The following NELL1 variants were observed in gnomAD, a reference collection of about 807,000 sequenced individuals.
The protein encoded by NELL1 is protein kinase C-binding protein NELL1.
NELL1 carries 76 observed loss-of-function variants against 107.4 expected under a neutral mutation model. That is an observed-to-expected ratio of 0.71 (90% CI 0.59 to 0.86). NELL1 has a LOEUF of 0.86. Among genes scored for constraint, NELL1 ranks in the 40% least tolerant of loss-of-function variants. The pLI, the probability that NELL1 is intolerant of heterozygous loss-of-function variation, is 0.00. For missense variants in NELL1, 1,024 were observed against 1,005.5 expected, an observed-to-expected ratio of 1.02 and a Z score of -0.25; for synonymous variants, 353 against 341.2, an observed-to-expected ratio of 1.03 and a Z score of -0.38.
intron 3 of NELL1, among the ~76,000 whole-genome samples, chr11:20,803,903 C>T (rs970136649): frequency 1.3e-5 from 2 of 152,114 alleles, no homozygotes; most frequent in African/African-American, 4.8e-5. Context: ...CTGGCCTAGC[C>T]TCCCAGCCTA....
intron 14 of NELL1, among the ~76,000 whole-genome samples, chr11:21,306,708 T>C (rs552124781): frequency 6.6e-6 from 1 of 152,040 alleles, no homozygotes; most frequent in South Asian, 2.1e-4. Context: ...ACTCTGCAGT[T>C]GGATTCATGC....
Position 21,100,988 on chromosome 11 carries a change from A to G in NELL1, c.1301-12601A>G, listed in dbSNP as rs7129210. ...ATATCTCCAAATGCTATCCCTCCCC[A>G]CTCCCCCAACCCCACAGCAGGCCCC... is the stretch of plus-strand genomic sequence containing the variant. On this transcript the variant is annotated intron_variant, in intron 12 of 19. Coordinates refer to ENST00000357134, the MANE Select transcript of NELL1 (RefSeq NM_006157.5). Among the ~76,000 whole-genome samples the G allele has an allele frequency of 2.9e-3, 407 of 142,184 alleles. 2 individuals carry two copies. Among genetic ancestry groups the G allele is most frequent in the Non-Finnish European group, 4.9e-3 (325 of 66,222 alleles). The allele number at this position is 142,184 out of a possible 152,430, so 93.3% of individuals were successfully genotyped here. A position where few individuals can be genotyped will look rare whatever the true frequency, so the allele number is the denominator to read the frequency against.
rs1263088584 is a variant in NELL1, at chr11:21,229,541, TTGG to T, written c.1549+91_1549+93del. The T allele has an allele frequency of 6.4e-6, 10 of 1,555,550 alleles. No individual in the cohort carries two copies. The African/African-American group carries it at 1.4e-4, about 21-fold the overall frequency. ...GTGCGTCGGACCTTCTTGGTAACTC[TTGG>T]TGGAACACAGCCAGGGTTCCTGCTC... On this transcript the variant is annotated intron_variant, in intron 14 of 19. Coordinates refer to ENST00000357134, the MANE Select transcript of NELL1 (RefSeq NM_006157.5).
intron 14 of NELL1, chr11:21,260,700 G>T (rs1848510742): frequency 6.6e-6 from 1 of 151,844 alleles, no homozygotes; most frequent in Admixed American, 6.6e-5. Flanking sequence ...GAGAGAAAAT[G>T]ACATTATGTC....
At chr11:21,513,080 TG>T (rs1855479332) in intron 15 of NELL1, among the ~76,000 whole-genome samples, 1 of 152,196 alleles carries the variant, frequency 6.6e-6, no homozygotes, top group African/African-American at 2.4e-5. Context: ...CAGTCAGCTA[TG>T]GTTTGGGACC....
At chr11:21,372,303 A>T (rs1851374478) in intron 15 of NELL1, among the ~76,000 whole-genome samples, 1 of 151,970 alleles carries the variant, frequency 6.6e-6, no homozygotes, top group Non-Finnish European at 1.5e-5. Flanking sequence ...AAACTAAAAG[A>T]TTCTTACTGC....
At chr11:21,377,399 C>G (rs1314763481) in intron 15 of NELL1, among the ~76,000 whole-genome samples, 1 of 152,046 alleles carries the variant, frequency 6.6e-6, no homozygotes, top group Non-Finnish European at 1.5e-5. Context: ...TGAAGCTTAT[C>G]TCATCATGGT....
chr11:21,284,102 G>A (rs188446001), intron 14 of NELL1: 5 of 387,590 alleles, frequency 1.3e-5, no homozygotes, highest in Non-Finnish European at 1.5e-5. Context: ...TGCCATCATG[G>A]CAGTTCATTG....
chr11:21,313,519 G>A (rs72951492), intron 14 of NELL1, among the ~76,000 whole-genome samples: 4,083 of 152,198 alleles, frequency 0.027, 87 homozygotes, highest in African/African-American at 0.055. Flanking sequence ...AATCCCCACT[G>A]TCACCTACTG....
intron 9 of NELL1, among the ~76,000 whole-genome samples, chr11:20,929,793 G>A (rs966648210): frequency 1.3e-5 from 2 of 152,128 alleles, no homozygotes; most frequent in South Asian, 2.1e-4. Context: ...CCAACATGGC[G>A]AAATCCCGTC....
intron 17 of NELL1, among the ~76,000 whole-genome samples, chr11:21,569,584 C>T (rs879679693): frequency 4.6e-5 from 7 of 151,612 alleles, no homozygotes; most frequent in Non-Finnish European, 7.4e-5. Flanking sequence ...AGGTGTTTAC[C>T]CAGAGATGAA....
chr11:21,212,366 A>G (rs1420336575), intron 13 of NELL1, among the ~76,000 whole-genome samples: 2 of 152,182 alleles, frequency 1.3e-5, no homozygotes, highest in East Asian at 1.9e-4. Flanking sequence ...AAAGAAGCAA[A>G]GGAGAAAAGT....
intron 14 of NELL1, among the ~76,000 whole-genome samples, chr11:21,327,247 A>G (rs1850166962): frequency 6.6e-6 from 1 of 150,756 alleles, no homozygotes; most frequent in Non-Finnish European, 1.5e-5. Context: ...CTAATGTTAA[A>G]TGACGAGTTA....
chr11:21,322,588 C>T (rs903062889), intron 14 of NELL1, among the ~76,000 whole-genome samples: 1 of 152,090 alleles, frequency 6.6e-6, no homozygotes, highest in Non-Finnish European at 1.5e-5. Context: ...CTGAAATACT[C>T]TATGGTATTC....
chr11:21,402,807 T>G (rs1370921886), intron 15 of NELL1, among the ~76,000 whole-genome samples: 1 of 151,782 alleles, frequency 6.6e-6, no homozygotes, highest in Admixed American at 6.6e-5. Context: ...CTTAGTCTTC[T>G]ATTAGGAGCA....
intron 12 of NELL1, among the ~76,000 whole-genome samples, chr11:21,085,639 C>A (rs866877115): frequency 2.2e-4 from 34 of 151,834 alleles, no homozygotes; most frequent in African/African-American, 4.8e-4. Context: ...TAAAAAAAAA[C>A]CAAAAAACAA....
chr11:21,356,675 TAGTTTTTGGGGAAC>T (rs985129285), intron 14 of NELL1, among the ~76,000 whole-genome samples: 27 of 152,314 alleles, frequency 1.8e-4, no homozygotes, highest in African/African-American at 6.0e-4. Flanking sequence ...TTTATTAAAA[TAGTTTTTGGGGAAC>T]AGGGTTTTTG....
intron 7 of NELL1, among the ~76,000 whole-genome samples, chr11:20,920,829 T>C (rs1437969221): frequency 2.6e-5 from 4 of 152,092 alleles, no homozygotes; most frequent in African/African-American, 9.7e-5. Context: ...AAAACGTTAT[T>C]GTGTAAAATG....
chr11:21,176,375 C>A (rs1310932709), intron 13 of NELL1, among the ~76,000 whole-genome samples: 2 of 151,738 alleles, frequency 1.3e-5, no homozygotes, highest in Admixed American at 1.3e-4. Flanking sequence ...ATTTCCAGAG[C>A]CCTCTTGTCT....
Sources: allele counts gnomAD v4.1 joint callset (sites outside exome capture counted in the v4.1 genomes callset), GRCh38; gene constraint gnomAD v4.1.1; transcripts MANE v1.5; gene names NCBI Gene and HGNC (gene_info 2026-07-23, HGNC 2026-07-21).